CRY1: variants seen among roughly 807,000 people sequenced by gnomAD.
The protein encoded by CRY1 is cryptochrome-1.
CRY1 carries 45 observed loss-of-function variants against 76.0 expected under a neutral mutation model. The observed-to-expected ratio is 0.59, with a 90% CI of 0.47 to 0.76. The LOEUF (loss-of-function observed/expected upper bound fraction) is 0.76, where lower values mean the gene tolerates loss of function less well. Ranked by LOEUF, CRY1 falls within the 30% of genes least tolerant of loss-of-function variation. The probability of loss-of-function intolerance (pLI) is 0.00; values close to 1 mark genes in which losing one functional copy is unlikely to be tolerated. For synonymous variants in CRY1, 248 were observed against 244.0 expected, an observed-to-expected ratio of 1.02 and a Z score of -0.15; for missense variants, 587 against 716.4, an observed-to-expected ratio of 0.82 and a Z score of 2.06.
At chr12:107,082,844 C>T (rs542942805) in intron 1 of CRY1, among the ~76,000 whole-genome samples, 7 of 152,016 alleles carry the variant, frequency 4.6e-5, no homozygotes, top group African/African-American at 1.4e-4. Flanking sequence ...TAACTAAGAT[C>T]GGAGCAAAAC....
chr12:107,036,891 T>C (rs549698477), intron 1 of CRY1, among the ~76,000 whole-genome samples: 1 of 152,252 alleles, frequency 6.6e-6, no homozygotes, highest in East Asian at 1.9e-4. Context: ...GACCATCTTA[T>C]CTAAAATAGA....
intron 1 of CRY1, among the ~76,000 whole-genome samples, chr12:107,068,163 G>A (rs1181244278): frequency 6.6e-6 from 1 of 152,146 alleles, no homozygotes; most frequent in Non-Finnish European, 1.5e-5. Context: ...AGCTGAGAGA[G>A]AGATCATATG....
intron 1 of CRY1, among the ~76,000 whole-genome samples, chr12:107,026,121 T>TATATTACA (rs1481456233): frequency 2.7e-5 from 1 of 36,820 alleles, no homozygotes; most frequent in East Asian, 1.3e-3. Context: ...AATATATATA[T>TATATTACA]TATATATAAT....
chr12:107,077,812 C>A (rs1228402099), intron 1 of CRY1, among the ~76,000 whole-genome samples: 1 of 152,034 alleles, frequency 6.6e-6, no homozygotes, highest in Non-Finnish European at 1.5e-5. Flanking sequence ...CAACCTGAAT[C>A]ATTTCCCCCA....
chr12:107,040,402 C>G (rs1038134634), intron 1 of CRY1, among the ~76,000 whole-genome samples: 4 of 151,002 alleles, frequency 2.6e-5, no homozygotes, highest in African/African-American at 7.3e-5. Flanking sequence ...TTTTCTGCCC[C>G]AGCCTCCCGA....
intron 1 of CRY1, among the ~76,000 whole-genome samples, chr12:107,036,515 A>G (rs1952734634): frequency 6.6e-6 from 1 of 151,716 alleles, no homozygotes; most frequent in Non-Finnish European, 1.5e-5. Flanking sequence ...CCCAGATGCC[A>G]AGTGGTCATG....
chr12:107,063,044 T>C (rs960467496), intron 1 of CRY1, among the ~76,000 whole-genome samples: 3 of 152,254 alleles, frequency 2.0e-5, no homozygotes, highest in African/African-American at 7.2e-5. Flanking sequence ...ATGTATTTCA[T>C]GGTGTTCTCT....
intron 1 of CRY1, among the ~76,000 whole-genome samples, chr12:107,047,859 C>T (rs774175287): frequency 6.6e-6 from 1 of 151,832 alleles, no homozygotes; most frequent in East Asian, 1.9e-4. Flanking sequence ...AGGAACCAGA[C>T]AAGCAAAAAC....
At chr12:107,002,279 T>C (rs1371246605) in intron 3 of CRY1, among the ~76,000 whole-genome samples, 1 of 152,094 alleles carries the variant, frequency 6.6e-6, no homozygotes, top group East Asian at 1.9e-4. Flanking sequence ...TTACAAAAAG[T>C]TAATACACAC....
rs756570257 is a variant in CRY1, at chr12:107,001,356, T to C, written c.608A>G (p.Asp203Gly). ...PSLEELGFDTDGLSSAVWPGG... is the reference protein window; with the variant it reads ...PSLEELGFDTGGLSSAVWPGG... ...TGGCCACACTGCAGAGGATAAGCCA[T>C]CTGTATCAAAACCTACAAGAAAGAA... The change falls in exon 5 of 13, where the codon GAT becomes GGT. Residue 203 changes from aspartate (D) to glycine (G), a missense_variant. Coordinates refer to ENST00000008527, the MANE Select transcript of CRY1 (RefSeq NM_004075.5). The C allele has an allele frequency of 1.9e-6, 3 of 1,610,070 alleles. No individual in the cohort carries two copies. The East Asian group carries it at 6.7e-5, about 36-fold the overall frequency.
rs1038011885 is a variant in CRY1, at chr12:107,019,649, G to T, written c.267+2435C>A. On this transcript the variant is annotated intron_variant, in intron 2 of 12. Coordinates refer to ENST00000008527, the MANE Select transcript of CRY1 (RefSeq NM_004075.5). ...AATTTTGTTATTTTAAAGCAACTAG[G>T]GCTAGGTGCTACAGCTTATGCCTGT... 2.1e-4 allele frequency among the ~76,000 whole-genome samples: 32 copies of T among 152,200 alleles called. 1 individual carries two copies. Among genetic ancestry groups the T allele is most frequent in the African/African-American group, 7.2e-4 (30 of 41,516 alleles).
intron 1 of CRY1, among the ~76,000 whole-genome samples, chr12:107,087,873 A>T (rs186521960): frequency 1.3e-5 from 2 of 152,000 alleles, no homozygotes; most frequent in Admixed American, 1.3e-4. Context: ...TCTCACCTCT[A>T]CAAGTAATAA....
chr12:107,006,157 G>A (rs1228214876), intron 2 of CRY1, among the ~76,000 whole-genome samples: 1 of 152,052 alleles, frequency 6.6e-6, no homozygotes, highest in Admixed American at 6.6e-5. Context: ...AGGCTGGGGT[G>A]GGTGGATCAC....
At chr12:107,026,457 C>T (rs1952616872) in intron 1 of CRY1, among the ~76,000 whole-genome samples, 1 of 152,064 alleles carries the variant, frequency 6.6e-6, no homozygotes, top group African/African-American at 2.4e-5. Context: ...TGGTCTTGAA[C>T]TCCTGACCTC....
chr12:106,993,990 T>C (rs1434529437), intron 10 of CRY1, among the ~76,000 whole-genome samples: 1 of 151,974 alleles, frequency 6.6e-6, no homozygotes, highest in African/African-American at 2.4e-5. Context: ...AATACAAAGA[T>C]GAGCAGAGAA....
At chr12:106,999,444 A>G in intron 7 of CRY1, 107 bp downstream of exon 7, 1 of 1,082,730 alleles carries the variant, frequency 9.2e-7, no homozygotes, top group Non-Finnish European at 1.3e-6. Context: ...TATCCACTGA[A>G]AAACTACACC....
chr12:107,042,015 C>G (rs1435211539), intron 1 of CRY1, among the ~76,000 whole-genome samples: 1 of 152,112 alleles, frequency 6.6e-6, no homozygotes, highest in African/African-American at 2.4e-5. Flanking sequence ...GTATGTTAAA[C>G]AACAGGATGG....
At chr12:107,026,367 G>A (rs1374439093) in intron 1 of CRY1, among the ~76,000 whole-genome samples, 1 of 150,748 alleles carries the variant, frequency 6.6e-6, no homozygotes, top group Admixed American at 6.6e-5. Flanking sequence ...AAGCAGCTGG[G>A]ATTACAGGAG....
At chr12:107,010,297 C>A (rs919064977) in intron 2 of CRY1, among the ~76,000 whole-genome samples, 5 of 152,030 alleles carry the variant, frequency 3.3e-5, no homozygotes, top group Non-Finnish European at 7.4e-5. Flanking sequence ...AAGAGTTTAT[C>A]AATTTTATTA....
Sources: gnomAD v4.1 joint callset for allele counts (sites outside exome capture counted in the v4.1 genomes callset) on GRCh38, gnomAD v4.1.1 for gene constraint, MANE v1.5 for transcripts, NCBI Gene and HGNC (gene_info 2026-07-23, HGNC 2026-07-21) for gene names.